The following SLCO1A2 variants were observed in gnomAD, a reference collection of about 807,000 sequenced individuals.
SLCO1A2 encodes the protein solute carrier organic anion transporter family member 1A2.
A neutral mutation model predicts 69.0 loss-of-function variants in SLCO1A2; 67 were observed. The ratio of observed to expected loss-of-function variants is 0.97; its 90% CI spans 0.80 to 1.19. SLCO1A2 has a LOEUF of 1.19. Ranked by LOEUF, SLCO1A2 falls within the 50% of genes most tolerant of loss-of-function variation. The probability of loss-of-function intolerance (pLI) is 0.00; values close to 1 mark genes in which losing one functional copy is unlikely to be tolerated. For synonymous variants in SLCO1A2, 260 were observed against 265.9 expected, an observed-to-expected ratio of 0.98 and a Z score of 0.22; for missense variants, 787 against 793.7, an observed-to-expected ratio of 0.99 and a Z score of 0.10.
intron 12 of SLCO1A2, among the ~76,000 whole-genome samples, chr12:21,282,110 G>C (rs1191062911): frequency 8.0e-6 from 1 of 125,398 alleles, no homozygotes; most frequent in African/African-American, 3.0e-5. Flanking sequence ...ACCAGAAAAA[G>C]ACACATAAGA....
intron 14 of SLCO1A2, among the ~76,000 whole-genome samples, chr12:21,271,949 C>T (rs1379813186): frequency 6.6e-6 from 1 of 150,714 alleles, no homozygotes; most frequent in Non-Finnish European, 1.5e-5. Context: ...TAGCTTCATC[C>T]CACAAGTTTT....
intron 1 of SLCO1A2, among the ~76,000 whole-genome samples, chr12:21,394,449 G>C (rs1024432200): frequency 4.6e-5 from 7 of 150,896 alleles, no homozygotes; most frequent in African/African-American, 1.7e-4. Context: ...GCTGAGATGG[G>C]AGGATCTCTT....
intron 2 of SLCO1A2, among the ~76,000 whole-genome samples, chr12:21,365,751 C>T (rs1415064254): frequency 6.6e-6 from 1 of 152,194 alleles, no homozygotes; most frequent in Non-Finnish European, 1.5e-5. Context: ...TATGAACAGA[C>T]ACTTCTCAAA....
chr12:21,284,012 A>G (rs1168632752), intron 12 of SLCO1A2, among the ~76,000 whole-genome samples: 2 of 152,184 alleles, frequency 1.3e-5, no homozygotes, highest in African/African-American at 4.8e-5. Context: ...AGGTTCCTCA[A>G]AAAACTCAAA....
At chr12:21,279,925 A>AG (rs1944494523) in intron 12 of SLCO1A2, among the ~76,000 whole-genome samples, 2 of 152,170 alleles carry the variant, frequency 1.3e-5, no homozygotes, top group African/African-American at 4.8e-5. Flanking sequence ...AAATAGAAAT[A>AG]ACAAAATGTT....
At chr12:21,415,203 T>C (rs985498566) in intron 1 of SLCO1A2, among the ~76,000 whole-genome samples, 1 of 152,060 alleles carries the variant, frequency 6.6e-6, no homozygotes. Flanking sequence ...TATTCTTTCT[T>C]ACTTTATTTT....
chr12:21,289,729 C>A (rs1366656624), intron 12 of SLCO1A2, among the ~76,000 whole-genome samples: 2 of 149,964 alleles, frequency 1.3e-5, no homozygotes, highest in East Asian at 3.9e-4. Flanking sequence ...CTTAATGCAT[C>A]GTTTGTCAGT....
chr12:21,334,883 G>A lies in SLCO1A2; in HGVS notation c.-119C>T. 1 of 398,894 alleles carries A rather than the reference G, an allele frequency of 2.5e-6. No homozygotes were observed. The highest frequency in any genetic ancestry group is 4.4e-6 in the Non-Finnish European group (1 of 225,454). 24.7% of individuals were successfully genotyped at this position (398,894 alleles called of 1,614,324 possible). A position where few individuals can be genotyped will look rare whatever the true frequency, so the allele number is the denominator to read the frequency against. ...TGGTGTTAGAGAAGATTTAGTTGTT[G>A]GTTTTCTATTTCAAAAGGTACATCA... is the stretch of plus-strand genomic sequence containing the variant. On this transcript the variant is annotated 5_prime_UTR_variant, in exon 1 of 15. Coordinates refer to ENST00000683939, the MANE Select transcript of SLCO1A2 (RefSeq NM_001386879.1).
At chr12:21,284,171 G>A (rs1024022018) in intron 12 of SLCO1A2, among the ~76,000 whole-genome samples, 2 of 152,134 alleles carry the variant, frequency 1.3e-5, no homozygotes, top group Non-Finnish European at 2.9e-5. Context: ...CAACCTAAGT[G>A]TCCAGCAATA....
At chr12:21,396,929 T>C (rs1941487436), upstream of SLCO1A2, among the ~76,000 whole-genome samples, 1 of 151,816 alleles carries the variant, frequency 6.6e-6, no homozygotes, top group African/African-American at 2.4e-5. Flanking sequence ...TGGCAAAATG[T>C]AAAGACCATC....
At chr12:21,417,541 G>A (rs900255684) in intron 1 of SLCO1A2, among the ~76,000 whole-genome samples, 10 of 151,292 alleles carry the variant, frequency 6.6e-5, no homozygotes, top group African/African-American at 2.2e-4. Context: ...TAAAAGAGGG[G>A]AATTTGGAAA....
At chr12:21,297,355 G>A in intron 9 of SLCO1A2, 49 bp downstream of exon 9, 5 of 1,514,918 alleles carry the variant, frequency 3.3e-6, no homozygotes, top group Non-Finnish European at 4.5e-6. Flanking sequence ...CCATCACACT[G>A]TTCGTGGGGG....
At chr12:21,387,173 T>C (rs550029640) in intron 1 of SLCO1A2, among the ~76,000 whole-genome samples, 2 of 152,174 alleles carry the variant, frequency 1.3e-5, no homozygotes, top group African/African-American at 2.4e-5. Context: ...TGACAGAGCA[T>C]AAAAGTTTGG....
intron 12 of SLCO1A2, among the ~76,000 whole-genome samples, chr12:21,286,885 T>G (rs1313718297): frequency 6.6e-6 from 1 of 151,598 alleles, no homozygotes; most frequent in Non-Finnish European, 1.5e-5. Context: ...ATTTAAACAT[T>G]AGACTTAAAA....
At chr12:21,343,694 C>T (rs1953152091) in intron 2 of SLCO1A2, among the ~76,000 whole-genome samples, 1 of 151,982 alleles carries the variant, frequency 6.6e-6, no homozygotes, top group African/African-American at 2.4e-5. Context: ...AAAGAACATT[C>T]TGATTAAGGG....
chr12:21,407,831 A>ATT (rs1301214682), intron 1 of SLCO1A2, among the ~76,000 whole-genome samples: 2 of 152,040 alleles, frequency 1.3e-5, no homozygotes, highest in Admixed American at 6.6e-5. Flanking sequence ...GAAAAAAAAA[A>ATT]AAAAAAGCCT....
At chr12:21,323,979 T>A (rs1198981171) in intron 2 of SLCO1A2, among the ~76,000 whole-genome samples, 1 of 152,162 alleles carries the variant, frequency 6.6e-6, no homozygotes, top group Non-Finnish European at 1.5e-5. Flanking sequence ...TCGGGCTCAG[T>A]GGGATGACAA....
intron 2 of SLCO1A2, among the ~76,000 whole-genome samples, chr12:21,348,296 T>G (rs1937661482): frequency 1.3e-5 from 2 of 152,328 alleles, no homozygotes; most frequent in Middle Eastern, 3.4e-3. Context: ...AAGTCATTTT[T>G]GACTATAGTC....
In SLCO1A2 at chr12:21,412,903, G is replaced by C. The variant is rs557073388; in HGVS notation, c.-312+4979C>G. ...TCCATCACTTCAATAAATCAGGAAA[G>C]GGACTTGTGCTTCCTTGGCAGTCCA... On this transcript the variant is annotated intron_variant, in intron 1 of 4. Coordinates refer to the SLCO1A2 transcript ENST00000413682. Among the ~76,000 whole-genome samples the C allele has an allele frequency of 7.5e-4, 114 of 152,276 alleles. 2 individuals are homozygous for C. The highest frequency in any genetic ancestry group is 9.1e-4 in the Non-Finnish European group (62 of 68,024).
Sources: allele counts gnomAD v4.1 joint callset (sites outside exome capture counted in the v4.1 genomes callset), GRCh38; gene constraint gnomAD v4.1.1; transcripts MANE v1.5; gene names NCBI Gene and HGNC (gene_info 2026-07-23, HGNC 2026-07-21).